The following PCDHA3 variants were observed in gnomAD, a reference collection of about 807,000 sequenced individuals.
The protein encoded by PCDHA3 is protocadherin alpha-3.
In PCDHA3, 41 loss-of-function variants were observed where a neutral mutation model predicts 62.2. The observed-to-expected ratio is 0.66, with a 90% confidence interval of 0.51 to 0.86. PCDHA3 has a LOEUF of 0.86. Ranked by LOEUF, PCDHA3 falls within the 40% of genes least tolerant of loss-of-function variation. PCDHA3 has a pLI of 0.00. For synonymous variants in PCDHA3, 640 were observed against 555.4 expected (o/e 1.15, Z -2.14); for missense variants, 1,304 against 1,241.2 (o/e 1.05, Z -0.76).
chr5:140,863,664 A>ATTTTGC (rs1331349828), intron 1 of PCDHA3: 1 of 285,864 alleles, frequency 3.5e-6, no homozygotes, highest in Non-Finnish European at 6.9e-6. Flanking sequence ...TGCTTTATTT[A>ATTTTGC]TTTTGCTTTT....
At chr5:140,884,258 A>G (rs782780491) in intron 1 of PCDHA3, 1 of 1,613,390 alleles carries the variant, frequency 6.2e-7, no homozygotes, top group South Asian at 1.1e-5. Flanking sequence ...GGCCACGGCA[A>G]CGGTGCTGTT....
chr5:140,921,740 C>T (rs923518440), intron 1 of PCDHA3, among the ~76,000 whole-genome samples: 1 of 152,052 alleles, frequency 6.6e-6, no homozygotes, highest in Non-Finnish European at 1.5e-5. Flanking sequence ...AAATTATAAG[C>T]ATAACAGGAC....
intron 1 of PCDHA3, among the ~76,000 whole-genome samples, chr5:140,832,678 C>T (rs1282906655): frequency 6.6e-6 from 1 of 152,042 alleles, no homozygotes; most frequent in African/African-American, 2.4e-5. Context: ...TGAGAATCAT[C>T]GAATTAACAA....
At chr5:140,957,531 G>A (rs2095365025) in intron 1 of PCDHA3, among the ~76,000 whole-genome samples, 1 of 152,080 alleles carries the variant, frequency 6.6e-6, no homozygotes, top group Non-Finnish European at 1.5e-5. Flanking sequence ...ATTCAGTGGG[G>A]ATCTTAGAAA....
chr5:140,802,900 C>T lies in PCDHA3; in HGVS notation c.1703C>T (p.Pro568Leu), dbSNP rs758831845. Residue 568 changes from proline (P) to leucine (L), a missense_variant, in exon 1 of 4, where the codon CCT becomes CTT. Physicochemically the swap from Pro to Leu is moderately conservative, Grantham distance 98. Transcript: ENST00000522353. ...ENDNAPALLM[P>L]RVGGIGGAVS... ...GACAACGCGCCGGCACTGCTGATGC[C>T]TCGGGTGGGTGGCATCGGTGGCGCA... 1.2e-6 allele frequency: 2 copies of T among 1,613,790 alleles called. No individual in the cohort carries two copies. Among genetic ancestry groups the T allele is most frequent in the South Asian group, 2.2e-5 (2 of 91,074 alleles).
chr5:140,940,208 A>C (rs1193106137), intron 1 of PCDHA3, among the ~76,000 whole-genome samples: 1 of 152,164 alleles, frequency 6.6e-6, no homozygotes, highest in Non-Finnish European at 1.5e-5. Context: ...AAAATTCAAG[A>C]TTGGCATTTA....
At chr5:140,829,997 G>A (rs2150179331) in intron 1 of PCDHA3, 1 of 1,613,998 alleles carries the variant, frequency 6.2e-7, no homozygotes, top group Non-Finnish European at 8.5e-7. Flanking sequence ...CACCACTCGT[G>A]TCCTGGACGA....
rs79247475 is a variant in PCDHA3 at position 140,982,540 on chromosome 5, C to G, written c.2519C>G (p.Pro840Arg). The G allele has an allele frequency of 4.3e-3, 6,927 of 1,614,122 alleles. 34 individuals are homozygous for G. The highest frequency in any genetic ancestry group is 5.0e-3 in the South Asian group (455 of 91,080). Residue 840 changes from proline to arginine, a missense_variant, in exon 3 of 4, where the codon CCA becomes CGA. Physicochemically the swap from Pro to Arg is moderately radical, Grantham distance 103. Transcript: ENST00000522353. ...AGPGGPDQQW[P>R]TVSSATPEPE... ...CCAGGAGGGCCTGATCAGCAGTGGC[C>G]AACAGTATCCAGTGCAACACCAGGT...
At chr5:140,937,718 C>T (rs538350541) in intron 1 of PCDHA3, among the ~76,000 whole-genome samples, 1 of 152,076 alleles carries the variant, frequency 6.6e-6, no homozygotes, top group South Asian at 2.1e-4. Context: ...CAAGACCATC[C>T]TGGCTAACAC....
At chr5:140,875,922 T>A (rs1554168077) in intron 1 of PCDHA3, 1 of 1,614,200 alleles carries the variant, frequency 6.2e-7, no homozygotes, top group Admixed American at 1.7e-5. Flanking sequence ...CTCTGGACTC[T>A]CATTTTCCTC....
At chr5:140,982,447 C>G (rs782801484) in intron 2 of PCDHA3, 28 bp from the exon 3 acceptor site, 1 of 1,613,782 alleles carries the variant, frequency 6.2e-7, no homozygotes, top group South Asian at 1.1e-5. Flanking sequence ...ATGATCTAAC[C>G]GTTATCTGGG....
chr5:140,814,710 G>A (rs1765569833), intron 1 of PCDHA3: 1 of 152,130 alleles, frequency 6.6e-6, no homozygotes, highest in South Asian at 2.1e-4. Context: ...TCATCACTAG[G>A]TGATAGGAAT....
intron 1 of PCDHA3, among the ~76,000 whole-genome samples, chr5:140,821,232 A>G (rs182232562): frequency 1.5e-3 from 226 of 152,316 alleles, no homozygotes; most frequent in African/African-American, 5.1e-3. Context: ...TAGAGATGAG[A>G]AAAGTCAAAA....
In PCDHA3 at chr5:140,856,566, C is replaced by T. The variant is rs2044089469; in HGVS notation, c.2394+52975C>T. On this transcript the variant is annotated intron_variant, in intron 1 of 3. Transcript: ENST00000522353. ...GCATTGCTTACTTACAAACTCAGTC[C>T]AAATGAGTATTTTGTTCTTGATATT... is the stretch of plus-strand genomic sequence containing the variant. 2.5e-6 allele frequency: 4 copies of T among 1,597,124 alleles called. 1 individual carries two copies. Among genetic ancestry groups the T allele is most frequent in the Non-Finnish European group, 3.4e-6 (4 of 1,166,856 alleles).
rs1450871721 is a variant in PCDHA3, at chr5:140,999,541, C to T, written c.2543-10086C>T. 3.3e-5 allele frequency among the ~76,000 whole-genome samples: 5 copies of T among 152,150 alleles called. No individual in the cohort carries two copies. The East Asian group carries it at 9.7e-4, about 29-fold the overall frequency. On this transcript the variant is annotated intron_variant, in intron 3 of 3. Coordinates refer to ENST00000522353, the MANE Select transcript of PCDHA3 (RefSeq NM_018906.3). ...TTTGTTACCCCCTGGATATGACAGC[C>T]AATGAAGAGGGGGTATTTTGAGAAG...
intron 1 of PCDHA3, chr5:140,829,676 G>T (rs1770484799): frequency 2.5e-6 from 4 of 1,613,004 alleles, no homozygotes; most frequent in Admixed American, 1.7e-5. Context: ...CGAGGAGCTA[G>T]AGCTGCTGCA....
intron 1 of PCDHA3, chr5:140,829,202 C>T (rs2150163765): frequency 5.0e-6 from 8 of 1,614,106 alleles, no homozygotes; most frequent in Non-Finnish European, 3.4e-6. Context: ...TGTCATCGCC[C>T]TAATTAGCGT....
At chr5:140,877,724 C>A in intron 1 of PCDHA3, 1 of 1,614,150 alleles carries the variant, frequency 6.2e-7, no homozygotes, top group Non-Finnish European at 8.5e-7. Context: ...TGGTCTTACT[C>A]GCAGCAGAGG....
At chr5:140,918,232 A>G (rs2078581718) in intron 1 of PCDHA3, among the ~76,000 whole-genome samples, 1 of 152,166 alleles carries the variant, frequency 6.6e-6, no homozygotes, top group African/African-American at 2.4e-5. Flanking sequence ...ATTTTTGTAC[A>G]TTGATTTTGT....
Sources: allele counts gnomAD v4.1 joint callset (sites outside exome capture counted in the v4.1 genomes callset), GRCh38; gene constraint gnomAD v4.1.1; transcripts MANE v1.5; gene names NCBI Gene and HGNC (gene_info 2026-07-23, HGNC 2026-07-21).